Variants in CWH43 observed in about 807,000 individuals in gnomAD.
CWH43 encodes the protein PGAP2-interacting protein.
In CWH43, 91 loss-of-function variants were observed where a neutral mutation model predicts 85.7. The ratio of observed to expected loss-of-function variants is 1.06; its 90% CI spans 0.90 to 1.26. CWH43 has a LOEUF of 1.26. Among genes scored for constraint, CWH43 ranks in the 50% most tolerant of loss-of-function variants. The pLI is 0.00. For missense variants in CWH43, 869 were observed against 839.2 expected (o/e 1.04, Z -0.44); for synonymous variants, 323 against 293.6 (o/e 1.10, Z -1.02).
intron 13 of CWH43, among the ~76,000 whole-genome samples, chr4:49,039,816 A>G (rs1050105831): frequency 2.6e-5 from 4 of 151,864 alleles, no homozygotes; most frequent in Admixed American, 6.6e-5. Flanking sequence ...ACATATGTAT[A>G]CATGTGCCAT....
At position 49,031,627 on chromosome 4, in the gene CWH43, T is replaced by A. The variant is rs1449223477; in HGVS notation, c.1508+667T>A. Among the ~76,000 whole-genome samples the A allele has an allele frequency of 2.0e-5, 3 of 152,158 alleles. No homozygotes were observed. In the East Asian group the frequency reaches 5.8e-4, roughly 29 times the overall value. On this transcript the variant is annotated intron_variant, in intron 11 of 15. Coordinates refer to ENST00000226432, the MANE Select transcript of CWH43 (RefSeq NM_025087.3). ...CACTGGAGGATTTTAAACAGGATAG[T>A]GATCTGGAAGAACAGATTCTCAGGG...
Position 49,003,732 on chromosome 4 carries a change from C to A in CWH43, c.803-3C>A. ...GTCTGATTCTTTTCTCTCTCACAAA[C>A]AGGAACAGCTTCAGCTGCGGGGCTC... is the stretch of plus-strand genomic sequence containing the variant. On this transcript the variant is annotated splice_region_variant and splice_polypyrimidine_tract_variant and intron_variant, in intron 6 of 15. Coordinates refer to ENST00000226432, the MANE Select transcript of CWH43 (RefSeq NM_025087.3). 2 of 1,613,542 alleles carry A rather than the reference C, an allele frequency of 1.2e-6. No homozygotes were observed. Among genetic ancestry groups the A allele is most frequent in the Non-Finnish European group, 1.7e-6 (2 of 1,179,748 alleles).
chr4:49,049,534 GCAA>G (rs1033378831), intron 14 of CWH43, among the ~76,000 whole-genome samples: 12 of 151,394 alleles, frequency 7.9e-5, no homozygotes, highest in Admixed American at 3.3e-4. Flanking sequence ...AAAAAAAACA[GCAA>G]CAACAACAAC....
chr4:48,987,199 C>G (rs1339033269), intron 1 of CWH43, among the ~76,000 whole-genome samples: 1 of 151,998 alleles, frequency 6.6e-6, no homozygotes, highest in Non-Finnish European at 1.5e-5. Context: ...TTTCTGGGAG[C>G]TGGTAATTCT....
At chr4:49,016,265 GT>G (rs1783540351) in intron 8 of CWH43, among the ~76,000 whole-genome samples, 1 of 152,104 alleles carries the variant, frequency 6.6e-6, no homozygotes, top group Non-Finnish European at 1.5e-5. Flanking sequence ...ACAAATTTAG[GT>G]GTTTTTTTTC....
At chr4:49,005,678 C>G (rs1783134715) in intron 7 of CWH43, among the ~76,000 whole-genome samples, 1 of 151,074 alleles carries the variant, frequency 6.6e-6, no homozygotes, top group Non-Finnish European at 1.5e-5. Context: ...GTAGCTGGGT[C>G]TCCAGGCACA....
chr4:49,061,610 C>T (rs1461375602), intron 15 of CWH43, among the ~76,000 whole-genome samples: 2 of 152,112 alleles, frequency 1.3e-5, no homozygotes, highest in Admixed American at 6.5e-5. Flanking sequence ...AATTCTTAAA[C>T]AGATGTGCTT....
At chr4:49,057,178 A>G (rs1262770998) in intron 15 of CWH43, among the ~76,000 whole-genome samples, 1 of 152,210 alleles carries the variant, frequency 6.6e-6, no homozygotes, top group African/African-American at 2.4e-5. Context: ...CACCTGTGAC[A>G]CAGCCTCAGG....
At chr4:49,054,749 T>C (rs1293653965) in intron 15 of CWH43, among the ~76,000 whole-genome samples, 2 of 152,130 alleles carry the variant, frequency 1.3e-5, no homozygotes, top group East Asian at 3.8e-4. Context: ...TCCTAAGTAT[T>C]TTTTGATGCT....
At chr4:49,034,498 T>C (rs957505785) in intron 12 of CWH43, among the ~76,000 whole-genome samples, 2 of 152,168 alleles carry the variant, frequency 1.3e-5, no homozygotes, top group African/African-American at 4.8e-5. Context: ...GATTGCCTTT[T>C]CTCACTTTCT....
intron 5 of CWH43, among the ~76,000 whole-genome samples, chr4:48,996,123 C>T (rs770721791): frequency 1.3e-5 from 2 of 152,174 alleles, no homozygotes; most frequent in South Asian, 4.1e-4. Flanking sequence ...CCTGTCCCCC[C>T]TCTGCCTGGG....
Position 49,017,331 on chromosome 4 carries a change from A to G in CWH43, c.1266+3A>G. The G allele has an allele frequency of 6.3e-7, 1 of 1,590,176 alleles. No individual in the cohort carries two copies. ...ATGAGAGAAAACTGGGCAAAGTGGTAAGTAATTAAAAACCTTGAAATAGAA... is the reference window on the plus strand; with the variant it reads ...ATGAGAGAAAACTGGGCAAAGTGGTGAGTAATTAAAAACCTTGAAATAGAA... On this transcript the variant is annotated splice_donor_region_variant and intron_variant, in intron 9 of 15. Transcript: ENST00000226432.
In CWH43 at chr4:49,030,935, C is replaced by A; in HGVS notation, c.1483C>A (p.Pro495Thr). The A allele has an allele frequency of 6.2e-7, 1 of 1,604,786 alleles. No individual in the cohort carries two copies. Among genetic ancestry groups the A allele is most frequent in the South Asian group, 1.1e-5 (1 of 89,444 alleles). Residue 495 changes from proline to threonine, a missense_variant, in exon 11 of 16, where the codon CCA becomes ACA. Transcript: ENST00000226432. ...GTTGGGTTTCTATACAGACTTTGGT[C>A]CAAGCACAAGGTATCACACTTGGGG... ...EKLGFYTDFG[P>T]STRYHTWGIM...
chr4:49,042,068 C>T (rs1399220555), intron 13 of CWH43, among the ~76,000 whole-genome samples: 1 of 152,166 alleles, frequency 6.6e-6, no homozygotes, highest in African/African-American at 2.4e-5. Context: ...AAAACAACAG[C>T]CGTCATCTAT....
At chr4:49,003,283 G>T (rs1457175729) in intron 6 of CWH43, among the ~76,000 whole-genome samples, 1 of 152,154 alleles carries the variant, frequency 6.6e-6, no homozygotes, top group African/African-American at 2.4e-5. Context: ...AGGACAGGTG[G>T]TAGCATTTAG....
At chr4:49,035,904 G>T (rs1784248136) in intron 12 of CWH43, among the ~76,000 whole-genome samples, 1 of 152,110 alleles carries the variant, frequency 6.6e-6, no homozygotes, top group Admixed American at 6.6e-5. Context: ...TTGAATCCTT[G>T]TTGTAGGTAT....
intron 8 of CWH43, chr4:49,016,805 C>T (rs1195944643): frequency 2.6e-6 from 2 of 776,852 alleles, no homozygotes; most frequent in Non-Finnish European, 2.4e-6. Context: ...GTCCCTCTGC[C>T]AGAGCACGGG....
intron 9 of CWH43, among the ~76,000 whole-genome samples, chr4:49,024,462 A>G (rs1252870879): frequency 6.6e-6 from 1 of 152,048 alleles, no homozygotes; most frequent in Non-Finnish European, 1.5e-5. Flanking sequence ...TTTATGCTTT[A>G]TGGAGATTCT....
chr4:49,029,995 T>C (rs1041160437), intron 10 of CWH43, among the ~76,000 whole-genome samples: 1 of 152,214 alleles, frequency 6.6e-6, no homozygotes, highest in African/African-American at 2.4e-5. Flanking sequence ...CTGGGCCCAC[T>C]GTTCTTTCTC....
Sources: allele counts gnomAD v4.1 joint callset (sites outside exome capture counted in the v4.1 genomes callset), GRCh38; gene constraint gnomAD v4.1.1; transcripts MANE v1.5; gene names NCBI Gene and HGNC (gene_info 2026-07-23, HGNC 2026-07-21).